Variants in BABAM2 observed in about 807,000 individuals in gnomAD.
BABAM2 encodes the protein BRISC and BRCA1-A complex member 2.
In BABAM2, 31 loss-of-function variants were observed where a neutral mutation model predicts 54.7. The observed-to-expected ratio is 0.57, with a 90% confidence interval of 0.43 to 0.77. BABAM2 has a LOEUF of 0.77. BABAM2 is among the 30% of genes least tolerant of loss of function. The pLI is 0.00. For missense variants in BABAM2, 364 were observed against 455.8 expected (o/e 0.80, Z 1.83); for synonymous variants, 167 against 162.9 (o/e 1.03, Z -0.19).
chr2:28,247,987 C>T (rs554757527), intron 10 of BABAM2, among the ~76,000 whole-genome samples: 2 of 152,196 alleles, frequency 1.3e-5, no homozygotes, highest in African/African-American at 4.8e-5. Context: ...CCACTTATTC[C>T]TTCCTTACAT....
intron 4 of BABAM2, among the ~76,000 whole-genome samples, chr2:28,009,388 G>T (rs971879253): frequency 1.3e-5 from 2 of 152,028 alleles, no homozygotes; most frequent in Admixed American, 1.3e-4. Flanking sequence ...TTGCATATTG[G>T]CAGCCTTCTA....
chr2:27,917,772 A>T (rs1208608677), intron 2 of BABAM2, among the ~76,000 whole-genome samples: 1 of 152,148 alleles, frequency 6.6e-6, no homozygotes, highest in African/African-American at 2.4e-5. Flanking sequence ...TTTATAGATT[A>T]TAAAACATAC....
chr2:28,328,683 C>T (rs1212367123), intron 11 of BABAM2, among the ~76,000 whole-genome samples: 1 of 152,200 alleles, frequency 6.6e-6, no homozygotes, highest in Non-Finnish European at 1.5e-5. Flanking sequence ...GTCTCGTCCA[C>T]GGGGCCGGGC....
At chr2:28,226,886 A>G (rs982728545) in intron 7 of BABAM2, among the ~76,000 whole-genome samples, 2 of 151,742 alleles carry the variant, frequency 1.3e-5, no homozygotes, top group Non-Finnish European at 2.9e-5. Context: ...CCAATTGACT[A>G]TGGGGTGTGA....
intron 6 of BABAM2, among the ~76,000 whole-genome samples, chr2:28,086,184 GA>G (rs1271824914): frequency 6.6e-6 from 1 of 152,162 alleles, no homozygotes; most frequent in African/African-American, 2.4e-5. Flanking sequence ...ATAGATGGAA[GA>G]ATTTGAATCT....
At chr2:28,297,416 T>C (rs1296753340) in intron 10 of BABAM2, among the ~76,000 whole-genome samples, 1 of 152,218 alleles carries the variant, frequency 6.6e-6, no homozygotes, top group East Asian at 1.9e-4. Context: ...GTCCTAGAAG[T>C]GGATAACATT....
intron 7 of BABAM2, chr2:28,233,031 T>C (rs1681561113): frequency 3.4e-6 from 1 of 297,560 alleles, no homozygotes. Flanking sequence ...TATCCACAGA[T>C]TAAGTTTCAG....
chr2:28,284,039 G>A (rs570631515), intron 10 of BABAM2, among the ~76,000 whole-genome samples: 1 of 152,278 alleles, frequency 6.6e-6, no homozygotes, highest in Non-Finnish European at 1.5e-5. Context: ...AAATTTGGAT[G>A]TACAAGTCAG....
chr2:28,167,278 G>A (rs896611466), intron 7 of BABAM2, among the ~76,000 whole-genome samples: 1 of 152,162 alleles, frequency 6.6e-6, no homozygotes, highest in African/African-American at 2.4e-5. Flanking sequence ...CCAATGAATA[G>A]TGAAACAATT....
intron 4 of BABAM2, among the ~76,000 whole-genome samples, chr2:27,992,497 G>A (rs921428575): frequency 1.2e-4 from 18 of 152,094 alleles, no homozygotes; most frequent in African/African-American, 4.3e-4. Context: ...AATACAGGTA[G>A]TATATAATTA....
chr2:28,234,031 C>A (rs1281846380), intron 7 of BABAM2, among the ~76,000 whole-genome samples: 3 of 152,122 alleles, frequency 2.0e-5, no homozygotes, highest in Non-Finnish European at 2.9e-5. Flanking sequence ...TTCTTCCCAT[C>A]CCTGTAGTCT....
intron 7 of BABAM2, among the ~76,000 whole-genome samples, chr2:28,196,736 C>T (rs1281153272): frequency 6.6e-6 from 1 of 150,946 alleles, no homozygotes; most frequent in Admixed American, 6.6e-5. Context: ...GTAGTCCTAG[C>T]TACTCAGGAG....
intron 3 of BABAM2, among the ~76,000 whole-genome samples, chr2:27,958,689 A>G (rs1037461240): frequency 6.6e-6 from 1 of 152,042 alleles, no homozygotes; most frequent in African/African-American, 2.4e-5. Context: ...AGTATTGAAG[A>G]TGGTATAGAT....
intron 11 of BABAM2, among the ~76,000 whole-genome samples, chr2:28,316,055 C>T (rs886970568): frequency 9.2e-5 from 14 of 152,124 alleles, no homozygotes; most frequent in Non-Finnish European, 2.1e-4. Context: ...ATTAAAAATG[C>T]AACATGTCCA....
At chr2:28,115,362 G>A (rs1184395996) in intron 6 of BABAM2, among the ~76,000 whole-genome samples, 1 of 152,042 alleles carries the variant, frequency 6.6e-6, no homozygotes. Context: ...AAAAGAGTAG[G>A]TTCACTATAA....
chr2:28,074,634 C>T (rs1664488133), intron 6 of BABAM2, among the ~76,000 whole-genome samples: 1 of 152,124 alleles, frequency 6.6e-6, no homozygotes, highest in Non-Finnish European at 1.5e-5. Flanking sequence ...GATAAATTTT[C>T]AGTGGACTGA....
intron 10 of BABAM2, among the ~76,000 whole-genome samples, chr2:28,282,416 T>G (rs1315782123): frequency 3.3e-5 from 5 of 152,150 alleles, no homozygotes; most frequent in Admixed American, 2.0e-4. Context: ...TAGCAACCCC[T>G]GGCTGAAATG....
At chr2:28,137,328 A>G (rs1195407420) in intron 7 of BABAM2, among the ~76,000 whole-genome samples, 1 of 152,188 alleles carries the variant, frequency 6.6e-6, no homozygotes, top group Admixed American at 6.5e-5. Context: ...GATGGTCCTG[A>G]GTATGCTAAG....
intron 3 of BABAM2, among the ~76,000 whole-genome samples, chr2:27,953,567 T>C (rs1255041690): frequency 1.3e-5 from 2 of 151,530 alleles, no homozygotes; most frequent in East Asian, 3.9e-4. Flanking sequence ...GCTGGGATTA[T>C]AGGCATGAAC....
Sources: gnomAD v4.1 joint callset for allele counts (sites outside exome capture counted in the v4.1 genomes callset) on GRCh38, gnomAD v4.1.1 for gene constraint, MANE v1.5 for transcripts, NCBI Gene and HGNC (gene_info 2026-07-23, HGNC 2026-07-21) for gene names.